The following ZNF829 variants were observed in gnomAD, a reference collection of about 807,000 sequenced individuals.
ZNF829 encodes zinc finger protein 829.
In ZNF829, 25 loss-of-function variants were observed where a neutral mutation model predicts 35.2. That is an observed-to-expected ratio of 0.71 (90% CI 0.52 to 0.99). The LOEUF is 0.99. Among genes scored for constraint, ZNF829 ranks in the 50% least tolerant of loss-of-function variants. The pLI, the probability that ZNF829 is intolerant of heterozygous loss-of-function variation, is 0.00. For synonymous variants in ZNF829, 136 were observed against 163.2 expected (o/e 0.83, Z 1.27); for missense variants, 417 against 515.3 (o/e 0.81, Z 1.85).
intron 5 of ZNF829, among the ~76,000 whole-genome samples, chr19:36,900,195 CACAA>C (rs938580299): frequency 4.0e-5 from 5 of 125,362 alleles, no homozygotes; most frequent in African/African-American, 8.6e-5. Flanking sequence ...CACACACACA[CACAA>C]ATTTGCTGGG....
intron 5 of ZNF829, among the ~76,000 whole-genome samples, chr19:36,898,274 A>G (rs1568368888): frequency 6.6e-6 from 1 of 152,204 alleles, no homozygotes; most frequent in Non-Finnish European, 1.5e-5. Context: ...ACAAAAAACA[A>G]CCTAGAAATA....
rs1438996457 is a variant in ZNF829 at position 36,908,038 on chromosome 19, A to G, written c.224-14T>C. On this transcript the variant is annotated splice_polypyrimidine_tract_variant and intron_variant, in intron 4 of 5. Coordinates refer to ENST00000391711, the MANE Select transcript of ZNF829 (RefSeq NM_001037232.4). ...AATTGGAAAGTCCTGTTCACAAGAA[A>G]AGACATGGGACATGGTTATGCTGTG... The G allele has an allele frequency of 1.2e-6, 2 of 1,611,128 alleles. No homozygotes were observed. Among genetic ancestry groups the G allele is most frequent in the South Asian group, 2.2e-5 (2 of 90,984 alleles).
At chr19:36,914,744 T>C (rs931980921) in intron 3 of ZNF829, among the ~76,000 whole-genome samples, 9 of 152,168 alleles carry the variant, frequency 5.9e-5, no homozygotes, top group Non-Finnish European at 8.8e-5. Context: ...GTTATCTGAG[T>C]GGCTAAATTT....
chr19:36,903,242 A>T (rs1242581193), intron 5 of ZNF829, among the ~76,000 whole-genome samples: 1 of 152,230 alleles, frequency 6.6e-6, no homozygotes, highest in Non-Finnish European at 1.5e-5. Flanking sequence ...CAAATATGCC[A>T]TTATTATTTA....
In ZNF829 at chr19:36,889,828, G is replaced by GT. The variant is rs1377500160; in HGVS notation, c.*1663dup. 1 of 151,854 alleles carries GT rather than the reference G, an allele frequency of 6.6e-6. No homozygotes were observed. Among genetic ancestry groups the GT allele is most frequent in the Admixed American group, 6.6e-5 (1 of 15,238 alleles). The allele number at this position is 151,854 out of a possible 1,614,324, so 9.4% of individuals were successfully genotyped here. ...GCCAGCTTTGGGTTGAGTTTGTTTTGTTTTTTCCTAGTTCCTTGAGATGTG... is the reference window on the plus strand; with the variant it reads ...GCCAGCTTTGGGTTGAGTTTGTTTTGTTTTTTTCCTAGTTCCTTGAGATGTG... On this transcript the variant is annotated 3_prime_UTR_variant, in exon 6 of 6. Transcript: ENST00000391711.
intron 5 of ZNF829, among the ~76,000 whole-genome samples, chr19:36,900,474 G>A (rs2073155773): frequency 6.6e-6 from 1 of 151,764 alleles, no homozygotes; most frequent in Non-Finnish European, 1.5e-5. Flanking sequence ...TTGCCTGCCT[G>A]TATCAAAATC....
At chr19:36,901,708 A>T (rs73626749) in intron 5 of ZNF829, 1 of 419,768 alleles carries the variant, frequency 2.4e-6, no homozygotes, top group Non-Finnish European at 4.4e-6. Context: ...AGCCTTAAAA[A>T]ATAAACAAGT....
intron 5 of ZNF829, chr19:36,907,449 C>G (rs2073228025): frequency 6.5e-6 from 1 of 154,318 alleles, no homozygotes; most frequent in Non-Finnish European, 1.4e-5. Flanking sequence ...CTCAATTTCA[C>G]CATACTATGC....
chr19:36,908,007 G>A lies in ZNF829; in HGVS notation c.241C>T (p.Pro81Ser). 1 of 1,613,798 alleles carries A rather than the reference G, an allele frequency of 6.2e-7. No homozygotes were observed. The highest frequency in any genetic ancestry group is 1.3e-5 in the African/African-American group (1 of 75,010). The stretch of plus-strand genomic sequence containing the variant: ...TGTTCCAATAAGGAGATCACAGCTG[G>A]CTTAGAATTGGAAAGTCCTGTTCAC... ...LVSVGLSNSK[P>S]AVISLLEQGK... Residue 81 changes from proline (P) to serine (S), a missense_variant, in exon 5 of 6, where the codon CCA becomes TCA. Coordinates refer to ENST00000391711, the MANE Select transcript of ZNF829 (RefSeq NM_001037232.4).
intron 5 of ZNF829, among the ~76,000 whole-genome samples, chr19:36,898,558 C>G (rs2073133382): frequency 6.6e-6 from 1 of 152,088 alleles, no homozygotes; most frequent in African/African-American, 2.4e-5. Flanking sequence ...ATAGCCAATG[C>G]AATCTGTAGC....
chr19:36,894,594 A>T (rs1217820844), intron 5 of ZNF829, among the ~76,000 whole-genome samples: 3 of 152,136 alleles, frequency 2.0e-5, no homozygotes, highest in Non-Finnish European at 4.4e-5. Context: ...TTCAGCAGAT[A>T]GATATCATGA....
chr19:36,892,864 G>T, intron 5 of ZNF829: 2 of 1,150,592 alleles, frequency 1.7e-6, no homozygotes, highest in Non-Finnish European at 2.2e-6. Context: ...TCTCCTCGTC[G>T]TACAGCTTGT....
intron 5 of ZNF829, chr19:36,906,785 A>T (rs1280744699): frequency 6.6e-6 from 1 of 152,240 alleles, no homozygotes; most frequent in South Asian, 2.1e-4. Context: ...AGCATAATTT[A>T]AAAAATATTC....
At chr19:36,912,426 C>A (rs953195063) in intron 3 of ZNF829, among the ~76,000 whole-genome samples, 1 of 152,058 alleles carries the variant, frequency 6.6e-6, no homozygotes, top group African/African-American at 2.4e-5. Context: ...ATATGGAATC[C>A]TGCTTATTTC....
chr19:36,915,307 A>G, intron 1 of ZNF829, 56 bp from the exon 2 acceptor site: 1 of 1,537,042 alleles, frequency 6.5e-7, no homozygotes, highest in Non-Finnish European at 8.8e-7. Flanking sequence ...CCATACTCAT[A>G]CACAGAATGC....
At chr19:36,906,349 A>G (rs1328162846) in intron 5 of ZNF829, 1 of 152,244 alleles carries the variant, frequency 6.6e-6, no homozygotes, top group Non-Finnish European at 1.5e-5. Flanking sequence ...GGGCTGATAC[A>G]TAGAATATAA....
intron 4 of ZNF829, 79 bp downstream of exon 4, chr19:36,908,254 A>G: frequency 6.5e-7 from 1 of 1,530,766 alleles, no homozygotes; most frequent in Non-Finnish European, 8.8e-7. Context: ...AGCTGGTTAC[A>G]TGAAGCAAAT....
Position 36,890,643 on chromosome 19 carries a change from C to T in ZNF829, c.*849G>A, listed in dbSNP as rs1237641659. The T allele has an allele frequency of 2.0e-5, 3 of 149,372 alleles. No homozygotes were observed. In the East Asian group the frequency reaches 5.9e-4, roughly 30 times the overall value. The allele number at this position is 149,372 out of a possible 1,614,324, so 9.3% of individuals were successfully genotyped here. On this transcript the variant is annotated 3_prime_UTR_variant, in exon 6 of 6. Coordinates refer to ENST00000391711, the MANE Select transcript of ZNF829 (RefSeq NM_001037232.4). The stretch of plus-strand genomic sequence containing the variant: ...ATCACTTGAAGTCAGGAGTTCAAGA[C>T]CAGCCTGGCCAACATGGTGAAACCC...
chr19:36,908,461 T>C lies in ZNF829; in HGVS notation c.97-2A>G, dbSNP rs753696862. The C allele has an allele frequency of 5.0e-6, 8 of 1,588,326 alleles. No homozygotes were observed. The highest frequency in any genetic ancestry group is 6.8e-6 in the Non-Finnish European group (8 of 1,170,010). The stretch of plus-strand genomic sequence containing the variant: ...AACATCCCTGAACATCACCGGCCCC[T>C]GAAACAACAAACATGCTTTCACAAT... On this transcript the variant is annotated splice_acceptor_variant, in intron 3 of 5. Transcript: ENST00000391711. LOFTEE classifies it high-confidence loss of function.
Sources: gnomAD v4.1 joint callset for allele counts (sites outside exome capture counted in the v4.1 genomes callset) on GRCh38, gnomAD v4.1.1 for gene constraint, MANE v1.5 for transcripts, NCBI Gene and HGNC (gene_info 2026-07-23, HGNC 2026-07-21) for gene names.